The following AP3B1 variants were observed in gnomAD, a reference collection of about 807,000 sequenced individuals.
The protein encoded by AP3B1 is AP-3 complex subunit beta-1.
Under a neutral mutation model 132.5 loss-of-function variants are expected in AP3B1, and 61 were observed. The ratio of observed to expected loss-of-function variants is 0.46; its 90% CI spans 0.37 to 0.57. The LOEUF (loss-of-function observed/expected upper bound fraction) is 0.57, where lower values mean the gene tolerates loss of function less well. AP3B1 is among the 20% of genes least tolerant of loss of function. AP3B1 has a pLI of 0.00. For synonymous variants in AP3B1, 388 were observed against 438.3 expected (o/e 0.89, Z 1.43); for missense variants, 1,120 against 1,289.4 (o/e 0.87, Z 2.01).
chr5:78,245,249 G>C (rs766575908), intron 2 of AP3B1, among the ~76,000 whole-genome samples: 1 of 152,166 alleles, frequency 6.6e-6, no homozygotes. Flanking sequence ...GAGGCAATGC[G>C]TAATAGGCGT....
chr5:78,033,530 T>G (rs1196104856), intron 24 of AP3B1, among the ~76,000 whole-genome samples: 3 of 152,056 alleles, frequency 2.0e-5, no homozygotes, highest in Admixed American at 6.5e-5. Context: ...ACTTCAAGAC[T>G]TTTAAATCAT....
chr5:78,080,061 TG>T (rs1227747959), intron 22 of AP3B1, among the ~76,000 whole-genome samples: 2 of 152,216 alleles, frequency 1.3e-5, no homozygotes, highest in Non-Finnish European at 2.9e-5. Flanking sequence ...CAGGCTGGAG[TG>T]CAGTGGTGCG....
intron 7 of AP3B1, among the ~76,000 whole-genome samples, chr5:78,193,648 TCAAA>T (rs200181142): frequency 0.014 from 2,058 of 147,284 alleles, 54 homozygotes; most frequent in African/African-American, 0.048. Flanking sequence ...TTCTATATCC[TCAAA>T]TATATACATA....
chr5:78,183,002 T>C (rs1744432064), intron 7 of AP3B1, among the ~76,000 whole-genome samples: 1 of 152,240 alleles, frequency 6.6e-6, no homozygotes, highest in South Asian at 2.1e-4. Flanking sequence ...AGAGGAGGCC[T>C]AGTGCATAGT....
intron 2 of AP3B1, among the ~76,000 whole-genome samples, chr5:78,265,511 T>C (rs1748285890): frequency 6.6e-6 from 1 of 152,180 alleles, no homozygotes; most frequent in Admixed American, 6.5e-5. Flanking sequence ...CTTGTTCTCT[T>C]ATCAGTGTTT....
intron 7 of AP3B1, among the ~76,000 whole-genome samples, chr5:78,187,416 A>G (rs1744646785): frequency 6.6e-6 from 1 of 152,220 alleles, no homozygotes. Context: ...TTTTATAACC[A>G]TCTACTCATT....
chr5:78,126,152 G>A (rs563401474), intron 17 of AP3B1, among the ~76,000 whole-genome samples: 1 of 151,664 alleles, frequency 6.6e-6, no homozygotes, highest in African/African-American at 2.4e-5. Flanking sequence ...GAGAAAGTAT[G>A]TCCGTAGGAG....
chr5:78,258,819 A>G (rs1747955297), intron 2 of AP3B1, among the ~76,000 whole-genome samples: 1 of 152,224 alleles, frequency 6.6e-6, no homozygotes, highest in African/African-American at 2.4e-5. Context: ...CAAATGGATA[A>G]AGAAAATGTG....
intron 7 of AP3B1, among the ~76,000 whole-genome samples, chr5:78,214,812 C>T (rs1256292668): frequency 6.6e-6 from 1 of 151,990 alleles, no homozygotes; most frequent in Admixed American, 6.5e-5. Context: ...TTAAAGTTGA[C>T]AAGGATAGTA....
At chr5:78,230,646 A>G (rs1300245175) in intron 3 of AP3B1, among the ~76,000 whole-genome samples, 1 of 152,220 alleles carries the variant, frequency 6.6e-6, no homozygotes, top group Non-Finnish European at 1.5e-5. Flanking sequence ...ATCCCAAGTT[A>G]TCCCGCTTCA....
chr5:78,246,533 G>C (rs1311795635), intron 2 of AP3B1, among the ~76,000 whole-genome samples: 1 of 152,012 alleles, frequency 6.6e-6, no homozygotes, highest in Non-Finnish European at 1.5e-5. Flanking sequence ...ATTAGATATA[G>C]GACTATTCAG....
chr5:78,095,202 A>T (rs981546045), intron 21 of AP3B1, among the ~76,000 whole-genome samples: 1 of 152,216 alleles, frequency 6.6e-6, no homozygotes, highest in Admixed American at 6.5e-5. Context: ...AGCAGATTAC[A>T]AAGATCACAG....
intron 22 of AP3B1, among the ~76,000 whole-genome samples, chr5:78,069,172 G>A (rs1459628108): frequency 6.6e-6 from 1 of 152,162 alleles, no homozygotes; most frequent in East Asian, 1.9e-4. Flanking sequence ...GGCAAAAGCT[G>A]GAAGCATTCC....
chr5:78,235,652 G>A (rs1434379331), intron 3 of AP3B1, among the ~76,000 whole-genome samples: 1 of 152,190 alleles, frequency 6.6e-6, no homozygotes, highest in Non-Finnish European at 1.5e-5. Flanking sequence ...AAAGCTCCGT[G>A]ACTACATCAT....
intron 6 of AP3B1, 107 bp downstream of exon 6, chr5:78,225,435 A>G (rs1011867056): frequency 2.0e-5 from 12 of 611,448 alleles, no homozygotes; most frequent in Non-Finnish European, 8.1e-6. Flanking sequence ...TAATATTTAT[A>G]CCATTTTGAA....
intron 17 of AP3B1, among the ~76,000 whole-genome samples, chr5:78,122,921 G>A (rs1408599411): frequency 6.6e-6 from 1 of 152,216 alleles, no homozygotes; most frequent in Non-Finnish European, 1.5e-5. Context: ...AAAGCTGGAG[G>A]CATCATGCCA....
intron 7 of AP3B1, among the ~76,000 whole-genome samples, chr5:78,201,464 T>C (rs1289732978): frequency 6.6e-6 from 1 of 152,074 alleles, no homozygotes; most frequent in East Asian, 1.9e-4. Context: ...TTCAGCAAAA[T>C]AACACTGAAA....
In AP3B1 at chr5:78,097,012, G is replaced by T. The variant is rs541126852; in HGVS notation, c.2470+3941C>A. 2.5e-3 allele frequency among the ~76,000 whole-genome samples: 323 copies of T among 126,692 alleles called. 1 individual carries two copies. The highest frequency in any genetic ancestry group is 9.8e-3 in the African/African-American group (276 of 28,202). 83.1% of individuals were successfully genotyped at this position (126,692 alleles called of 152,430 possible). A position where few individuals can be genotyped will look rare whatever the true frequency, so the allele number is the denominator to read the frequency against. ...CAGCCGCCCTGTCCGGGAGGGAGGT[G>T]GGGGGGTCAGCCCCCCGCCCGGCCA... On this transcript the variant is annotated intron_variant, in intron 21 of 26. Coordinates refer to ENST00000255194, the MANE Select transcript of AP3B1 (RefSeq NM_003664.5).
chr5:78,039,201 G>A lies in AP3B1; in HGVS notation c.2651C>T (p.Ala884Val), dbSNP rs1225801616. The change falls in exon 23 of 27, where the codon GCC (alanine) becomes GTC (valine). Residue 884 changes from alanine to valine, a missense_variant. Transcript: ENST00000255194. ...LHRMSGKGLA[A>V]HYFFPRQPCI... ...AGGCTGTCTTGGAAAGAAATAATGGGCAGCTAGTCCTTTTCCACTCATTCG... is the reference window on the plus strand; with the variant it reads ...AGGCTGTCTTGGAAAGAAATAATGGACAGCTAGTCCTTTTCCACTCATTCG... The A allele has an allele frequency of 2.0e-5, 33 of 1,613,944 alleles. No individual in the cohort carries two copies. The highest frequency in any genetic ancestry group is 2.4e-5 in the Non-Finnish European group (28 of 1,180,024).
Sources: gnomAD v4.1 joint callset for allele counts (sites outside exome capture counted in the v4.1 genomes callset) on GRCh38, gnomAD v4.1.1 for gene constraint, MANE v1.5 for transcripts, NCBI Gene and HGNC (gene_info 2026-07-23, HGNC 2026-07-21) for gene names.